PSMB7: variants seen among roughly 807,000 people sequenced by gnomAD.
PSMB7 encodes the protein proteasome 20S subunit beta 7, also known as proteasome subunit beta type-7.
Under a neutral mutation model 28.1 loss-of-function variants are expected in PSMB7, and 5 were observed. The observed-to-expected ratio is 0.18, with a 90% CI of 0.09 to 0.37. The LOEUF (loss-of-function observed/expected upper bound fraction) is 0.37. PSMB7 is among the 10% of genes least tolerant of loss of function. The probability of loss-of-function intolerance (pLI) is 1.00; values close to 1 mark genes in which losing one functional copy is unlikely to be tolerated. For synonymous variants in PSMB7, 122 were observed against 123.7 expected, an observed-to-expected ratio of 0.99 and a Z score of 0.09; for missense variants, 275 against 346.2, an observed-to-expected ratio of 0.79 and a Z score of 1.63.
intron 6 of PSMB7, among the ~76,000 whole-genome samples, chr9:124,375,524 T>G (rs10818952): frequency 6.6e-6 from 1 of 151,554 alleles, no homozygotes; most frequent in Non-Finnish European, 1.5e-5. Context: ...TACACATTTT[T>G]CCCCCCAGAC....
At chr9:124,374,905 G>A (rs1432998345) in intron 6 of PSMB7, among the ~76,000 whole-genome samples, 1 of 152,142 alleles carries the variant, frequency 6.6e-6, no homozygotes, top group Non-Finnish European at 1.5e-5. Context: ...ACTTTAGGAG[G>A]CTGAGGCGGC....
At chr9:124,406,384 C>T (rs1307627611) in intron 4 of PSMB7, among the ~76,000 whole-genome samples, 1 of 151,748 alleles carries the variant, frequency 6.6e-6, no homozygotes, top group Admixed American at 6.6e-5. Flanking sequence ...TACCTGTAGT[C>T]CCAGATACTT....
intron 6 of PSMB7, among the ~76,000 whole-genome samples, chr9:124,358,924 G>A (rs1241918650): frequency 1.3e-5 from 2 of 152,254 alleles, no homozygotes; most frequent in East Asian, 1.9e-4. Flanking sequence ...GACAGGTGAA[G>A]ACTTGGGGAA....
chr9:124,395,339 TAAAAA>T (rs769568605), intron 5 of PSMB7, among the ~76,000 whole-genome samples: 2 of 140,976 alleles, frequency 1.4e-5, no homozygotes, highest in Non-Finnish European at 1.6e-5. Context: ...AGAAAGAAAT[TAAAAA>T]AAAAAAAATC....
intron 7 of PSMB7, among the ~76,000 whole-genome samples, chr9:124,354,073 T>C (rs556684512): frequency 2.6e-5 from 4 of 152,278 alleles, no homozygotes; most frequent in Admixed American, 1.3e-4. Context: ...ATCCCATCAT[T>C]ACACAAGAGA....
chr9:124,384,785 T>C, intron 5 of PSMB7, 129 bp from the exon 6 acceptor site: 1 of 747,582 alleles, frequency 1.3e-6, no homozygotes, highest in Non-Finnish European at 2.2e-6. Flanking sequence ...TAAATATTAA[T>C]TCTACAGGGC....
intron 6 of PSMB7, among the ~76,000 whole-genome samples, chr9:124,374,409 G>C (rs1830589517): frequency 6.6e-6 from 1 of 152,226 alleles, no homozygotes; most frequent in Admixed American, 6.5e-5. Context: ...CAATGAAGCT[G>C]TTATTACATA....
At chr9:124,402,844 T>C (rs112589451) in intron 5 of PSMB7, among the ~76,000 whole-genome samples, 321 of 152,264 alleles carry the variant, frequency 2.1e-3, no homozygotes, top group African/African-American at 6.8e-3. Flanking sequence ...TCAGAACAAT[T>C]CTAAAATTAC....
chr9:124,400,822 TTA>T lies in PSMB7; in HGVS notation c.511+4493_511+4494del, dbSNP rs1432987841. The stretch of plus-strand genomic sequence containing the variant: ...GAATTTATCTAAATGAAGTACGTAT[TTA>T]TACAAGTAGACCAAGACACATTTGT... On this transcript the variant is annotated intron_variant, in intron 5 of 7. Transcript: ENST00000259457. Among the ~76,000 whole-genome samples the T allele has an allele frequency of 9.9e-5, 15 of 152,190 alleles. No homozygotes were observed. The East Asian group carries it at 2.7e-3, about 27-fold the overall frequency.
intron 6 of PSMB7, among the ~76,000 whole-genome samples, chr9:124,372,694 C>A (rs1025829521): frequency 6.6e-6 from 1 of 152,154 alleles, no homozygotes; most frequent in Non-Finnish European, 1.5e-5. Flanking sequence ...TTAATAAAGG[C>A]AGAATGCAAT....
chr9:124,363,260 A>G lies in PSMB7; in HGVS notation c.571-6345T>C, dbSNP rs567355455. On this transcript the variant is annotated intron_variant, in intron 6 of 7. Coordinates refer to ENST00000259457, the MANE Select transcript of PSMB7 (RefSeq NM_002799.4). ...GACCATTCAAAGACAAGCGCTTGAG[A>G]GGAGGAGGTCTGAACACGATGTGTT... Among the ~76,000 whole-genome samples the G allele has an allele frequency of 2.6e-4, 40 of 152,336 alleles. 4 individuals are homozygous for G. The highest frequency in any genetic ancestry group is 2.5e-3 in the South Asian group (12 of 4,822).
intron 7 of PSMB7, among the ~76,000 whole-genome samples, chr9:124,355,930 A>C (rs1173457034): frequency 6.6e-6 from 1 of 152,174 alleles, no homozygotes; most frequent in African/African-American, 2.4e-5. Flanking sequence ...GTGCAGTGGG[A>C]GATGGAAGCA....
intron 6 of PSMB7, among the ~76,000 whole-genome samples, chr9:124,361,019 A>G (rs1034320757): frequency 6.6e-6 from 1 of 152,220 alleles, no homozygotes; most frequent in Non-Finnish European, 1.5e-5. Context: ...AAGGAGGGCC[A>G]AAGAAACCTG....
At chr9:124,412,267 G>T in intron 4 of PSMB7, 85 bp downstream of exon 4, 1 of 1,324,498 alleles carries the variant, frequency 7.6e-7, no homozygotes, top group Non-Finnish European at 1.0e-6. Context: ...ATGTGTTTTT[G>T]CTACTTTCCA....
intron 5 of PSMB7, chr9:124,396,702 G>A: frequency 2.2e-6 from 1 of 448,742 alleles, no homozygotes; most frequent in Non-Finnish European, 4.5e-6. Flanking sequence ...TTTTATTCAT[G>A]TTAATTCTCT....
At chr9:124,380,286 T>C (rs559536875) in intron 6 of PSMB7, among the ~76,000 whole-genome samples, 2 of 152,344 alleles carry the variant, frequency 1.3e-5, no homozygotes, top group East Asian at 3.9e-4. Context: ...CACTTTCATG[T>C]GTCTTGAAAA....
At chr9:124,360,379 G>A (rs2131142600) in intron 6 of PSMB7, among the ~76,000 whole-genome samples, 1 of 152,354 alleles carries the variant, frequency 6.6e-6, no homozygotes, top group East Asian at 1.9e-4. Flanking sequence ...GTGACCTAGG[G>A]CCTGGGCAGC....
At chr9:124,366,555 T>C (rs905283981) in intron 6 of PSMB7, among the ~76,000 whole-genome samples, 1 of 152,232 alleles carries the variant, frequency 6.6e-6, no homozygotes, top group Admixed American at 6.5e-5. Flanking sequence ...ATTACCGAAA[T>C]TTTTCTGTGT....
intron 5 of PSMB7, among the ~76,000 whole-genome samples, chr9:124,388,958 A>G (rs186568416): frequency 2.0e-5 from 3 of 152,306 alleles, no homozygotes; most frequent in Admixed American, 6.5e-5. Context: ...TCTCTGACAC[A>G]TGGCAGCATT....
Sources: gnomAD v4.1 joint callset for allele counts (sites outside exome capture counted in the v4.1 genomes callset) on GRCh38, gnomAD v4.1.1 for gene constraint, MANE v1.5 for transcripts, NCBI Gene and HGNC (gene_info 2026-07-23, HGNC 2026-07-21) for gene names.